THBS3: variants seen among roughly 807,000 people sequenced by gnomAD.
THBS3 encodes thrombospondin 3, also known as thrombospondin-3.
A neutral mutation model predicts 118.3 loss-of-function variants in THBS3; 78 were observed. The observed-to-expected ratio is 0.66, with a 90% CI of 0.55 to 0.80. The LOEUF is 0.80. THBS3 is among the 30% of genes least tolerant of loss of function. The pLI, the probability that THBS3 is intolerant of heterozygous loss-of-function variation, is 0.00. For synonymous variants in THBS3, 427 were observed against 475.3 expected, an observed-to-expected ratio of 0.90 and a Z score of 1.32; for missense variants, 1,057 against 1,247.4, an observed-to-expected ratio of 0.85 and a Z score of 2.30.
At position 155,205,119 on chromosome 1, in the gene THBS3, G is replaced by C; in HGVS notation, c.484C>G (p.Pro162Ala). 1 of 1,614,184 alleles carries C rather than the reference G, an allele frequency of 6.2e-7. No individual in the cohort carries two copies. The highest frequency in any genetic ancestry group is 8.5e-7 in the Non-Finnish European group (1 of 1,180,040). ...ATCTCCAGCCCATCGACCTCCGCTGGAGGAATGGGGGCCAGTGCTGGAAGG... is the reference window on the plus strand; with the variant it reads ...ATCTCCAGCCCATCGACCTCCGCTGCAGGAATGGGGGCCAGTGCTGGAAGG... ...AGLPALAPIP[P>A]AEVDGLEIRT... The change falls in exon 3 of 23, where the codon CCA becomes GCA. Residue 162 changes from proline to alanine, a missense_variant. Physicochemically the swap from Pro to Ala is conservative, Grantham distance 27 (BLOSUM62 -1). Transcript: ENST00000368378.
upstream of THBS3, chr1:155,208,714 C>T: frequency 1.5e-6 from 2 of 1,327,164 alleles, no homozygotes; most frequent in South Asian, 3.2e-5. Context: ...CCAGCCCGGC[C>T]TCCGCTCCGG....
chr1:155,202,244 A>T lies in THBS3; in HGVS notation c.1098+17T>A. The T allele has an allele frequency of 6.2e-7, 1 of 1,611,736 alleles. No individual in the cohort carries two copies. Among genetic ancestry groups the T allele is most frequent in the African/African-American group, 1.3e-5 (1 of 74,942 alleles). ...CAAGGCCAAGATCCCTTGTCCACAC[A>T]CACTACCCAGTCTGACCTGTTTGCT... On this transcript the variant is annotated intron_variant, in intron 9 of 22. Transcript: ENST00000368378. The surrounding 1 kb of genome is among the most constrained non-coding windows in gnomAD (Gnocchi z 5.5).
chr1:155,201,672 G>T, intron 10 of THBS3, 103 bp from the exon 11 acceptor site: 2 of 1,306,368 alleles, frequency 1.5e-6, no homozygotes, highest in Non-Finnish European at 2.1e-6. Flanking sequence ...ACTCAGTTAT[G>T]CCAGGCATAT....
intron 21 of THBS3, chr1:155,196,533 G>A (rs967053014): frequency 8.7e-5 from 20 of 229,662 alleles, no homozygotes; most frequent in Non-Finnish European, 1.4e-4. Context: ...TCTTGGCCAT[G>A]GAAAGTCCAG....
intron 11 of THBS3, 26 bp downstream of exon 11, chr1:155,201,391 C>G: frequency 1.3e-6 from 2 of 1,578,230 alleles, no homozygotes; most frequent in Middle Eastern, 3.4e-4. Context: ...CCTCCCTTTT[C>G]CTTCCACGCC....
chr1:155,201,654 G>C, intron 10 of THBS3, 85 bp from the exon 11 acceptor site: 3 of 1,454,564 alleles, frequency 2.1e-6, no homozygotes, highest in Non-Finnish European at 2.8e-6. Context: ...GCGGAGTGTG[G>C]GCTGGGCACT....
chr1:155,196,780 C>A, intron 21 of THBS3: 1 of 500,896 alleles, frequency 2.0e-6, no homozygotes, highest in Non-Finnish European at 3.6e-6. Context: ...TGCCCCTTCA[C>A]AGATTGGCCT....
chr1:155,207,141 C>G (rs1205259130), intron 1 of THBS3, among the ~76,000 whole-genome samples: 1 of 152,166 alleles, frequency 6.6e-6, no homozygotes, highest in African/African-American at 2.4e-5. Context: ...CCCTAGTTCC[C>G]CTCCTCCCAT....
At chr1:155,198,705 G>T in intron 16 of THBS3, 103 bp from the exon 17 acceptor site, 1 of 1,195,776 alleles carries the variant, frequency 8.4e-7, no homozygotes, top group Non-Finnish European at 1.2e-6. Context: ...CATACAATCA[G>T]ACCCCTGGCA....
chr1:155,196,504 A>G (rs986607964), intron 21 of THBS3: 2 of 259,380 alleles, frequency 7.7e-6, no homozygotes, highest in Non-Finnish European at 1.5e-5. Flanking sequence ...GAACCAACCC[A>G]GGTTCCTGGA....
chr1:155,199,750 GTC>G, intron 16 of THBS3, 52 bp downstream of exon 16: 1 of 1,599,688 alleles, frequency 6.3e-7, no homozygotes, highest in Non-Finnish European at 8.6e-7. Context: ...GCAAGACTCC[GTC>G]TCAGAAAGAC....
rs1669887983 is a variant in THBS3, at chr1:155,202,338, A to G, written c.1021T>C (p.Cys341Arg). Residue 341 changes from cysteine to arginine, a missense_variant, in exon 9 of 23, where the codon TGT (cysteine) becomes CGT (arginine). Around this residue, in one of 3 missense-constraint regions of THBS3, gnomAD observed 544 missense variants for 715.6 expected, o/e 0.76. Transcript: ENST00000368378. This position sits in a 1 kb window ranked among gnomAD's most constrained non-coding sequence, Gnocchi z 5.5. ...SCINTMPGFHCEACPRGYKGT... is the reference protein window; with the variant it reads ...SCINTMPGFHREACPRGYKGT... ...TTGTACCCTCGAGGACAGGCCTCACAGTGGAAGCCGGGCATGGTGTTGATG... is the reference window on the plus strand; with the variant it reads ...TTGTACCCTCGAGGACAGGCCTCACGGTGGAAGCCGGGCATGGTGTTGATG... 6.2e-7 allele frequency: 1 copy of G among 1,614,122 alleles called. No individual in the cohort carries two copies. Among genetic ancestry groups the G allele is most frequent in the South Asian group, 1.1e-5 (1 of 91,092 alleles).
In THBS3 at chr1:155,206,315, G is replaced by A. The variant is rs1213074824; in HGVS notation, c.171C>T (p.Tyr57=). 2 of 1,614,050 alleles carry A rather than the reference G, an allele frequency of 1.2e-6. No individual in the cohort carries two copies. Among genetic ancestry groups the A allele is most frequent in the African/African-American group, 2.7e-5 (2 of 74,898 alleles). Residue 57 remains tyrosine (Y), a synonymous_variant, in exon 2 of 23, where the codon TAC becomes TAT. Coordinates refer to ENST00000368378, the MANE Select transcript of THBS3 (RefSeq NM_007112.5). The surrounding 1 kb of genome is among the most constrained non-coding windows in gnomAD (Gnocchi z 4.2). ...RTALLTAGDI[Y]LLSTFRLPPK... Reference sequence around the variant, plus strand: ...GGGGCAGGCGGAAGGTGGATAAGAGGTAGATGTCCCCAGCAGTGAGCAAGG... The same window carrying A: ...GGGGCAGGCGGAAGGTGGATAAGAGATAGATGTCCCCAGCAGTGAGCAAGG...
chr1:155,202,232 C>T lies in THBS3; in HGVS notation c.1098+29G>A. On this transcript the variant is annotated intron_variant, in intron 9 of 22. Coordinates refer to ENST00000368378, the MANE Select transcript of THBS3 (RefSeq NM_007112.5). The surrounding 1 kb of genome is among the most constrained non-coding windows in gnomAD (Gnocchi z 5.5). The stretch of plus-strand genomic sequence containing the variant: ...CCCTGGCCTCTACAAGGCCAAGATC[C>T]CTTGTCCACACACACTACCCAGTCT... 1.2e-6 allele frequency: 2 copies of T among 1,608,800 alleles called. No homozygotes were observed. Among genetic ancestry groups the T allele is most frequent in the Non-Finnish European group, 1.7e-6 (2 of 1,176,630 alleles).
chr1:155,204,754 C>G, intron 4 of THBS3, 101 bp downstream of exon 4: 1 of 1,114,588 alleles, frequency 9.0e-7, no homozygotes, highest in Non-Finnish European at 1.4e-6. Context: ...ACAGGTGAGC[C>G]AAAGGAATGG....
In THBS3 at chr1:155,202,732, C is replaced by A; in HGVS notation, c.957+80G>T. Reference sequence around the variant, plus strand: ...TCCAGATTCCTCTCCTCCGGACCAGCATTTATCCCACCCTCTTGGGTGCCT... The same window carrying A: ...TCCAGATTCCTCTCCTCCGGACCAGAATTTATCCCACCCTCTTGGGTGCCT... On this transcript the variant is annotated intron_variant, in intron 8 of 22. Transcript: ENST00000368378. This position sits in a 1 kb window ranked among gnomAD's most constrained non-coding sequence, Gnocchi z 5.5. The A allele has an allele frequency of 6.5e-7, 1 of 1,530,860 alleles. No individual in the cohort carries two copies. The highest frequency in any genetic ancestry group is 1.3e-5 in the South Asian group (1 of 78,238). 94.8% of individuals were successfully genotyped at this position (1,530,860 alleles called of 1,614,324 possible).
At position 155,206,463 on chromosome 1, in the gene THBS3, CT is replaced by C; in HGVS notation, c.80-58del. 1 of 1,506,872 alleles carries C rather than the reference CT, an allele frequency of 6.6e-7. No individual in the cohort carries two copies. The highest frequency in any genetic ancestry group is 2.3e-5 in the East Asian group (1 of 42,702). 93.3% of individuals were successfully genotyped at this position (1,506,872 alleles called of 1,614,324 possible). A position where few individuals can be genotyped will look rare whatever the true frequency, so the allele number is the denominator to read the frequency against. On this transcript the variant is annotated intron_variant, in intron 1 of 22. Coordinates refer to ENST00000368378, the MANE Select transcript of THBS3 (RefSeq NM_007112.5). The surrounding 1 kb of genome is among the most constrained non-coding windows in gnomAD (Gnocchi z 4.2). ...ATGGGATCAAATGCTAAGGTATGCC[CT>C]CCCCCGAGCCCACATCACCCCCTAC...
chr1:155,198,069 A>C lies in THBS3; in HGVS notation c.2226T>G (p.Ile742Met). The change falls in exon 18 of 23, where the codon ATT (isoleucine) becomes ATG (methionine). Residue 742 changes from isoleucine to methionine, a missense_variant. Around this residue, in one of 3 missense-constraint regions of THBS3, gnomAD observed 307 missense variants for 326.1 expected, o/e 0.94. Coordinates refer to ENST00000368378, the MANE Select transcript of THBS3 (RefSeq NM_007112.5). Reference sequence around the variant, plus strand: ...GGTTGAGCACAACCCAGTTTGGGTCAATCTGAGCATCACCCTCAGGATCCA... The same window carrying C: ...GGTTGAGCACAACCCAGTTTGGGTCCATCTGAGCATCACCCTCAGGATCCA... ...VVLDPEGDAQ[I>M]DPNWVVLNQG... 1.2e-6 allele frequency: 2 copies of C among 1,614,080 alleles called. No individual in the cohort carries two copies. Among genetic ancestry groups the C allele is most frequent in the East Asian group, 2.2e-5 (1 of 44,900 alleles).
At chr1:155,204,435 C>T (rs1670253219) in intron 4 of THBS3, among the ~76,000 whole-genome samples, 1 of 151,904 alleles carries the variant, frequency 6.6e-6, no homozygotes, top group Non-Finnish European at 1.5e-5. Context: ...ACTAAAAATG[C>T]AAAAATTAGC....
Sources: gnomAD v4.1 joint callset for allele counts (sites outside exome capture counted in the v4.1 genomes callset) on GRCh38, gnomAD v4.1.1 for gene constraint, gnomAD v4.1.1 regional missense constraint, Gnocchi (gnomAD v3.1) non-coding constraint, MANE v1.5 for transcripts, NCBI Gene and HGNC (gene_info 2026-07-23, HGNC 2026-07-21) for gene names.